Variants in ABTB2 observed in about 807,000 individuals in gnomAD.
The protein encoded by ABTB2 is ankyrin repeat and BTB/POZ domain-containing protein 2.
A neutral mutation model predicts 104.1 loss-of-function variants in ABTB2; 56 were observed. The observed-to-expected ratio is 0.54, with a 90% CI of 0.43 to 0.67. The LOEUF is 0.67. Ranked by LOEUF, ABTB2 falls within the 30% of genes least tolerant of loss-of-function variation. The pLI is 0.00. For synonymous variants in ABTB2, 606 were observed against 608.2 expected (o/e 1.00, Z 0.05); for missense variants, 1,279 against 1,407.7 (o/e 0.91, Z 1.46).
intron 1 of ABTB2, among the ~76,000 whole-genome samples, chr11:34,317,787 C>T (rs1012732362): frequency 2.0e-4 from 29 of 146,520 alleles, no homozygotes; most frequent in African/African-American, 7.4e-4. Flanking sequence ...AAATTAATAA[C>T]GGCTTTTTAA....
At chr11:34,353,717 T>C (rs1386846515) in intron 1 of ABTB2, among the ~76,000 whole-genome samples, 1 of 152,242 alleles carries the variant, frequency 6.6e-6, no homozygotes, top group Non-Finnish European at 1.5e-5. Context: ...AATTCTTGGT[T>C]GGAAGACATT....
chr11:34,163,410 C>T (rs1385269191), intron 9 of ABTB2, among the ~76,000 whole-genome samples: 1 of 152,156 alleles, frequency 6.6e-6, no homozygotes, highest in Non-Finnish European at 1.5e-5. Flanking sequence ...GAGGACGCTC[C>T]CCCGTGCTGC....
chr11:34,170,372 G>A (rs559972246), intron 5 of ABTB2, among the ~76,000 whole-genome samples: 82 of 152,306 alleles, frequency 5.4e-4, no homozygotes, highest in Non-Finnish European at 7.2e-4. Flanking sequence ...AAACAGATGC[G>A]AAACTCAAGT....
intron 1 of ABTB2, among the ~76,000 whole-genome samples, chr11:34,230,185 T>C (rs1055763522): frequency 6.6e-6 from 1 of 152,238 alleles, no homozygotes; most frequent in Non-Finnish European, 1.5e-5. Context: ...CTGTGATGAC[T>C]GCTGTGATCA....
At chr11:34,273,667 G>A (rs1014552068) in intron 1 of ABTB2, among the ~76,000 whole-genome samples, 11 of 135,724 alleles carry the variant, frequency 8.1e-5, no homozygotes, top group African/African-American at 3.2e-4. Context: ...GAGAAGTGAC[G>A]GTGGCTACAC....
intron 3 of ABTB2, among the ~76,000 whole-genome samples, chr11:34,175,925 A>G (rs563457641): frequency 4.6e-5 from 7 of 152,060 alleles, no homozygotes; most frequent in Non-Finnish European, 1.0e-4. Flanking sequence ...TTTATCCTTC[A>G]AGACTCCATT....
chr11:34,347,883 C>T (rs1206262077), intron 1 of ABTB2, among the ~76,000 whole-genome samples: 1 of 151,748 alleles, frequency 6.6e-6, no homozygotes, highest in Admixed American at 6.6e-5. Flanking sequence ...GGACTTAACA[C>T]CGAAAAAAAA....
intron 1 of ABTB2, among the ~76,000 whole-genome samples, chr11:34,345,700 T>A (rs1487641177): frequency 6.6e-6 from 1 of 152,204 alleles, no homozygotes; most frequent in Non-Finnish European, 1.5e-5. Flanking sequence ...GGTCCCAGCA[T>A]AGTCCTGGCC....
At chr11:34,336,374 G>A (rs962498122) in intron 1 of ABTB2, among the ~76,000 whole-genome samples, 1 of 152,150 alleles carries the variant, frequency 6.6e-6, no homozygotes, top group African/African-American at 2.4e-5. Flanking sequence ...CATTAAAAAA[G>A]CAGCCAGGCC....
At chr11:34,289,744 G>C (rs1854545632) in intron 1 of ABTB2, among the ~76,000 whole-genome samples, 1 of 152,194 alleles carries the variant, frequency 6.6e-6, no homozygotes, top group Non-Finnish European at 1.5e-5. Context: ...GCTGGACAGA[G>C]TGGGTCTTGC....
Position 34,162,627 on chromosome 11 carries a change from A to G in ABTB2, c.2167T>C (p.Tyr723His), listed in dbSNP as rs868629875. 6 of 1,613,484 alleles carry G rather than the reference A, an allele frequency of 3.7e-6. No individual in the cohort carries two copies. Among genetic ancestry groups the G allele is most frequent in the Admixed American group, 1.7e-5 (1 of 60,004 alleles). ...TCCACGTAGCCGTGCTCAGCGCTGT[A>G]GTACATGGCCTCCTGTAGGGCCTTG... Reference protein sequence around the residue: ...RTKALQEAMYYSAEHGYVDIT... With the variant: ...RTKALQEAMYHSAEHGYVDIT... Residue 723 changes from tyrosine to histidine, a missense_variant, in exon 10 of 17, where the codon TAC (tyrosine) becomes CAC (histidine). Coordinates refer to ENST00000435224, the MANE Select transcript of ABTB2 (RefSeq NM_145804.3).
At chr11:34,346,984 T>G (rs1477172542) in intron 1 of ABTB2, among the ~76,000 whole-genome samples, 2 of 152,220 alleles carry the variant, frequency 1.3e-5, no homozygotes, top group Non-Finnish European at 1.5e-5. Flanking sequence ...GCCTCAACTG[T>G]AGGGAGGGTT....
At chr11:34,250,260 A>G (rs1304376115) in intron 1 of ABTB2, among the ~76,000 whole-genome samples, 3 of 152,164 alleles carry the variant, frequency 2.0e-5, no homozygotes, top group Admixed American at 2.0e-4. Flanking sequence ...TCAGTGCAAG[A>G]GCAGGGGCAA....
intron 1 of ABTB2, among the ~76,000 whole-genome samples, chr11:34,305,319 G>A (rs1854757963): frequency 1.3e-5 from 2 of 152,170 alleles, no homozygotes; most frequent in South Asian, 4.1e-4. Flanking sequence ...TTACAGGACA[G>A]GCTTGCTCCC....
At chr11:34,283,815 G>A (rs1295473731) in intron 1 of ABTB2, among the ~76,000 whole-genome samples, 2 of 152,110 alleles carry the variant, frequency 1.3e-5, no homozygotes, top group Non-Finnish European at 1.5e-5. Context: ...GGCCACATTT[G>A]GTTCCTTACT....
intron 1 of ABTB2, among the ~76,000 whole-genome samples, chr11:34,333,543 G>T (rs556829872): frequency 6.6e-6 from 1 of 152,280 alleles, no homozygotes; most frequent in Non-Finnish European, 1.5e-5. Flanking sequence ...ATCACTTGAG[G>T]TTAAGAGTTC....
At chr11:34,226,951 A>G (rs1038821353) in intron 1 of ABTB2, among the ~76,000 whole-genome samples, 9 of 152,152 alleles carry the variant, frequency 5.9e-5, no homozygotes, top group Non-Finnish European at 8.8e-5. Context: ...CTGTAGTCCC[A>G]GCTACTCTCC....
intron 1 of ABTB2, among the ~76,000 whole-genome samples, chr11:34,276,236 T>G (rs1263280481): frequency 1.3e-5 from 2 of 151,318 alleles, no homozygotes; most frequent in Non-Finnish European, 2.9e-5. Flanking sequence ...AAAAAAAAAG[T>G]TCTGATTCGA....
chr11:34,325,497 A>G (rs1346752041), intron 1 of ABTB2, among the ~76,000 whole-genome samples: 1 of 152,222 alleles, frequency 6.6e-6, no homozygotes, highest in Admixed American at 6.5e-5. Context: ...CACCAACATC[A>G]TAGCATTATT....
Sources: gnomAD v4.1 joint callset for allele counts (sites outside exome capture counted in the v4.1 genomes callset) on GRCh38, gnomAD v4.1.1 for gene constraint, MANE v1.5 for transcripts, NCBI Gene and HGNC (gene_info 2026-07-23, HGNC 2026-07-21) for gene names.